ARPC1A: variants seen among roughly 807,000 people sequenced by gnomAD.
The protein encoded by ARPC1A is actin related protein 2/3 complex subunit 1A, also known as actin-related protein 2/3 complex subunit 1A.
A neutral mutation model predicts 46.9 loss-of-function variants in ARPC1A; 8 were observed. The observed-to-expected ratio is 0.17, with a 90% CI of 0.10 to 0.31. ARPC1A has a LOEUF of 0.31. Among genes scored for constraint, ARPC1A ranks in the 10% least tolerant of loss-of-function variants. The pLI is 1.00. For synonymous variants in ARPC1A, 152 were observed against 169.0 expected, an observed-to-expected ratio of 0.90 and a Z score of 0.78; for missense variants, 286 against 483.6, an observed-to-expected ratio of 0.59 and a Z score of 3.83.
intron 5 of ARPC1A, 49 bp from the exon 6 acceptor site, chr7:99,353,860 T>C (rs1319984568): frequency 1.3e-6 from 2 of 1,565,322 alleles, no homozygotes; most frequent in East Asian, 2.3e-5. Context: ...TGTTTCTATA[T>C]ACATATATTT....
chr7:99,348,184 A>G (rs1793491660), intron 4 of ARPC1A, among the ~76,000 whole-genome samples: 1 of 152,244 alleles, frequency 6.6e-6, no homozygotes, highest in Non-Finnish European at 1.5e-5. Flanking sequence ...CCAAAAATTC[A>G]GCAAATCACT....
In ARPC1A at chr7:99,366,118, GT is replaced by G; in HGVS notation, c.*196del. The stretch of plus-strand genomic sequence containing the variant: ...TTTTAAGGCAGTAATTTTTTTGTTT[GT>G]TTTTTTGCGATTTCATTCCATTCTT... On this transcript the variant is annotated 3_prime_UTR_variant, in exon 10 of 10. Coordinates refer to ENST00000262942, the MANE Select transcript of ARPC1A (RefSeq NM_006409.4). 2 of 667,228 alleles carry G rather than the reference GT, an allele frequency of 3.0e-6. No homozygotes were observed. The highest frequency in any genetic ancestry group is 4.9e-6 in the Non-Finnish European group (2 of 407,946). The allele number at this position is 667,228 out of a possible 1,614,324, so 41.3% of individuals were successfully genotyped here.
chr7:99,352,970 A>AATAT (rs35059598), intron 5 of ARPC1A, among the ~76,000 whole-genome samples: 6,028 of 150,406 alleles, frequency 0.04, 440 homozygotes, highest in East Asian at 0.3. Context: ...GTCCCCCAAA[A>AATAT]ATATATATAT....
chr7:99,348,434 T>G (rs948128026), intron 4 of ARPC1A, among the ~76,000 whole-genome samples: 1 of 152,156 alleles, frequency 6.6e-6, no homozygotes, highest in Non-Finnish European at 1.5e-5. Flanking sequence ...CAGCTGGGCG[T>G]AGTGGCTCAT....
intron 4 of ARPC1A, among the ~76,000 whole-genome samples, chr7:99,348,102 GAAATT>G (rs921829778): frequency 2.6e-5 from 4 of 152,116 alleles, no homozygotes; most frequent in Non-Finnish European, 5.9e-5. Context: ...TTCAGTGAAA[GAAATT>G]AAAAAGAATT....
At chr7:99,364,057 C>T (rs964866191) in intron 9 of ARPC1A, among the ~76,000 whole-genome samples, 4 of 152,070 alleles carry the variant, frequency 2.6e-5, no homozygotes, top group East Asian at 3.9e-4. Flanking sequence ...CGGGTTGGAG[C>T]GATTCTCCTG....
chr7:99,326,752 T>C (rs1463048343), intron 1 of ARPC1A, among the ~76,000 whole-genome samples: 3 of 152,242 alleles, frequency 2.0e-5, no homozygotes, highest in Non-Finnish European at 4.4e-5. Context: ...AGGTGATCAA[T>C]AAATATTAGC....
chr7:99,345,262 C>A (rs957581643), intron 4 of ARPC1A, among the ~76,000 whole-genome samples: 5 of 151,974 alleles, frequency 3.3e-5, no homozygotes, highest in Non-Finnish European at 7.4e-5. Flanking sequence ...TATTTGCCAA[C>A]CAAATCTGTG....
chr7:99,356,352 C>A (rs981025538), intron 6 of ARPC1A, among the ~76,000 whole-genome samples: 1 of 152,180 alleles, frequency 6.6e-6, no homozygotes, highest in South Asian at 2.1e-4. Flanking sequence ...CGCCTGTAAT[C>A]CCAGCACTTT....
At chr7:99,365,591 G>T (rs1793823080) in intron 9 of ARPC1A, among the ~76,000 whole-genome samples, 1 of 151,666 alleles carries the variant, frequency 6.6e-6, no homozygotes, top group Non-Finnish European at 1.5e-5. Flanking sequence ...TCCAGCCTGG[G>T]GCAACAGAGC....
In ARPC1A at chr7:99,331,429, A is replaced by G. The variant is rs147006696; in HGVS notation, c.-29-1896A>G. ...CCCACCCAAAAAAAGAAAAGAAGTT[A>G]CAGAAGACATCATGATACTTCATCC... On this transcript the variant is annotated intron_variant, in intron 1 of 9. Coordinates refer to ENST00000262942, the MANE Select transcript of ARPC1A (RefSeq NM_006409.4). Among the ~76,000 whole-genome samples the G allele has an allele frequency of 2.4e-4, 37 of 151,734 alleles. No individual in the cohort carries two copies. In the East Asian group the frequency reaches 4.7e-3, roughly 19 times the overall value.
intron 2 of ARPC1A, chr7:99,335,410 C>G: frequency 2.2e-6 from 1 of 446,590 alleles, no homozygotes; most frequent in Non-Finnish European, 4.5e-6. Context: ...TTTCTGGACT[C>G]TCAATTCTAT....
At chr7:99,331,037 A>G (rs1468407230) in intron 1 of ARPC1A, among the ~76,000 whole-genome samples, 1 of 152,260 alleles carries the variant, frequency 6.6e-6, no homozygotes, top group Non-Finnish European at 1.5e-5. Context: ...AAACGCCTAC[A>G]TACTCTTTGC....
At chr7:99,334,035 ATATG>A (rs1793197794) in intron 2 of ARPC1A, among the ~76,000 whole-genome samples, 1 of 138,760 alleles carries the variant, frequency 7.2e-6, no homozygotes, top group Non-Finnish European at 1.5e-5. Context: ...ACACACATAT[ATATG>A]TATTTTTTTT....
chr7:99,343,247 C>G (rs1793385348), intron 3 of ARPC1A, among the ~76,000 whole-genome samples: 1 of 151,914 alleles, frequency 6.6e-6, no homozygotes, highest in Non-Finnish European at 1.5e-5. Flanking sequence ...AGGCAGATCG[C>G]CTGAAGTCAG....
intron 2 of ARPC1A, among the ~76,000 whole-genome samples, chr7:99,334,182 G>GC (rs1793201087): frequency 6.6e-6 from 1 of 151,810 alleles, no homozygotes; most frequent in South Asian, 2.1e-4. Context: ...CCAACATGGT[G>GC]AAACCCCATC....
chr7:99,353,340 C>T (rs917269668), intron 5 of ARPC1A, among the ~76,000 whole-genome samples: 4 of 151,508 alleles, frequency 2.6e-5, no homozygotes, highest in Non-Finnish European at 5.9e-5. Flanking sequence ...CTGTATTTTT[C>T]GTAGAGATGG....
chr7:99,351,135 CAG>C (rs1562800817), intron 5 of ARPC1A, among the ~76,000 whole-genome samples: 1 of 152,056 alleles, frequency 6.6e-6, no homozygotes, highest in Non-Finnish European at 1.5e-5. Flanking sequence ...ATTTCTTAAC[CAG>C]AGTCATTGGA....
chr7:99,335,339 C>T, intron 2 of ARPC1A: 1 of 402,960 alleles, frequency 2.5e-6, no homozygotes, highest in Non-Finnish European at 4.8e-6. Flanking sequence ...AAACTATCCT[C>T]TCTGTTTTAT....
Sources: gnomAD v4.1 joint callset for allele counts (sites outside exome capture counted in the v4.1 genomes callset) on GRCh38, gnomAD v4.1.1 for gene constraint, MANE v1.5 for transcripts, NCBI Gene and HGNC (gene_info 2026-07-23, HGNC 2026-07-21) for gene names.